SMIM14: variants seen among roughly 807,000 people sequenced by gnomAD.
SMIM14 encodes chromosome 4 open reading frame 34.
In SMIM14, 5 loss-of-function variants were observed where a neutral mutation model predicts 12.6. The ratio of observed to expected loss-of-function variants is 0.40; its 90% CI spans 0.21 to 0.83. The LOEUF is 0.83. SMIM14 is among the 40% of genes least tolerant of loss of function. SMIM14 has a pLI of 0.37. For missense variants in SMIM14, 86 were observed against 119.1 expected (o/e 0.72, Z 1.29); for synonymous variants, 30 against 40.1 (o/e 0.75, Z 0.95).
chr4:39,601,781 T>C (rs1302580057), intron 2 of SMIM14, among the ~76,000 whole-genome samples: 1 of 151,902 alleles, frequency 6.6e-6, no homozygotes, highest in Non-Finnish European at 1.5e-5. Flanking sequence ...ATCCCATCTC[T>C]ACCAAAATGT....
chr4:39,620,534 C>T (rs1715446659), intron 1 of SMIM14, among the ~76,000 whole-genome samples: 1 of 152,062 alleles, frequency 6.6e-6, no homozygotes. Flanking sequence ...AGAGGTCTTG[C>T]TATGTTGCCC....
intron 2 of SMIM14, among the ~76,000 whole-genome samples, chr4:39,579,417 AAAAAAAAAG>A (rs1713377036): frequency 6.6e-6 from 1 of 151,842 alleles, no homozygotes; most frequent in Non-Finnish European, 1.5e-5. Context: ...CTCCAAAAAA[AAAAAAAAAG>A]AAAAAAAAGA....
intron 3 of SMIM14, among the ~76,000 whole-genome samples, chr4:39,568,689 T>C (rs184886383): frequency 3.9e-5 from 6 of 152,320 alleles, no homozygotes; most frequent in Non-Finnish European, 8.8e-5. Flanking sequence ...TACTATCCAA[T>C]TGAATAGTAG....
At chr4:39,614,585 G>A (rs1209773046) in intron 1 of SMIM14, among the ~76,000 whole-genome samples, 13 of 152,086 alleles carry the variant, frequency 8.5e-5, no homozygotes, top group Admixed American at 8.5e-4. Context: ...ACCTCCCAAA[G>A]TGCTGGGATT....
At chr4:39,562,194 T>G (rs1712343565) in intron 3 of SMIM14, among the ~76,000 whole-genome samples, 1 of 151,952 alleles carries the variant, frequency 6.6e-6, no homozygotes, top group Non-Finnish European at 1.5e-5. Flanking sequence ...GGCAACATAG[T>G]GAGACCCCTG....
chr4:39,561,608 A>G (rs1712309197), intron 3 of SMIM14, among the ~76,000 whole-genome samples: 1 of 152,008 alleles, frequency 6.6e-6, no homozygotes, highest in Non-Finnish European at 1.5e-5. Flanking sequence ...TTTCTAGACA[A>G]AGGATCCCTG....
At chr4:39,591,074 TG>T (rs1487098422) in intron 2 of SMIM14, among the ~76,000 whole-genome samples, 10 of 152,136 alleles carry the variant, frequency 6.6e-5, no homozygotes, top group Admixed American at 5.9e-4. Context: ...TATATAAAAT[TG>T]TATAGTATTT....
chr4:39,599,457 T>TA (rs1465112945), intron 2 of SMIM14, among the ~76,000 whole-genome samples: 1 of 151,878 alleles, frequency 6.6e-6, no homozygotes, highest in African/African-American at 2.4e-5. Flanking sequence ...GGCTTGGGGG[T>TA]AGCAAGAGGG....
intron 1 of SMIM14, among the ~76,000 whole-genome samples, chr4:39,609,861 C>G (rs1714961012): frequency 6.6e-6 from 1 of 152,184 alleles, no homozygotes; most frequent in Non-Finnish European, 1.5e-5. Context: ...AACGGCGGGG[C>G]TCCTTGGAGA....
chr4:39,620,558 T>C (rs908989470), intron 1 of SMIM14, among the ~76,000 whole-genome samples: 1 of 152,140 alleles, frequency 6.6e-6, no homozygotes, highest in Non-Finnish European at 1.5e-5. Flanking sequence ...TTGGTCGACA[T>C]AGCAAGGCCA....
chr4:39,563,153 C>T (rs1024864671), intron 3 of SMIM14, among the ~76,000 whole-genome samples: 1 of 152,036 alleles, frequency 6.6e-6, no homozygotes, highest in Non-Finnish European at 1.5e-5. Flanking sequence ...CTCTGCCTCC[C>T]GGGTTCAAGT....
chr4:39,597,593 GCCAC>G (rs1714425066), intron 2 of SMIM14, among the ~76,000 whole-genome samples: 1 of 151,808 alleles, frequency 6.6e-6, no homozygotes, highest in African/African-American at 2.4e-5. Context: ...ACAGGCACCT[GCCAC>G]CACACCCAGC....
At chr4:39,607,169 T>C (rs1483889298) in intron 1 of SMIM14, among the ~76,000 whole-genome samples, 2 of 152,028 alleles carry the variant, frequency 1.3e-5, no homozygotes, top group African/African-American at 2.4e-5. Flanking sequence ...CATAGGCCAT[T>C]AGTGAGCTGT....
At chr4:39,556,224 T>G (rs1316406756) in intron 4 of SMIM14, among the ~76,000 whole-genome samples, 1 of 152,178 alleles carries the variant, frequency 6.6e-6, no homozygotes, top group African/African-American at 2.4e-5. Flanking sequence ...GGTCTGTGCT[T>G]CTTTCTGCAT....
At chr4:39,585,655 G>A (rs761039962) in intron 2 of SMIM14, among the ~76,000 whole-genome samples, 27 of 151,994 alleles carry the variant, frequency 1.8e-4, no homozygotes, top group Non-Finnish European at 3.2e-4. Context: ...TGCTAAAAAG[G>A]AGCCTGACTT....
At chr4:39,578,130 G>C (rs534149343) in intron 2 of SMIM14, among the ~76,000 whole-genome samples, 1 of 152,296 alleles carries the variant, frequency 6.6e-6, no homozygotes, top group African/African-American at 2.4e-5. Flanking sequence ...AGTAAAACAG[G>C]AGAATTTTAG....
chr4:39,559,773 A>C (rs1291984076), intron 3 of SMIM14, among the ~76,000 whole-genome samples: 3 of 152,144 alleles, frequency 2.0e-5, no homozygotes, highest in African/African-American at 7.2e-5. Context: ...GCCTAAGAGC[A>C]GGATGGATAG....
At chr4:39,570,881 C>T (rs1383087980) in intron 3 of SMIM14, among the ~76,000 whole-genome samples, 4 of 152,092 alleles carry the variant, frequency 2.6e-5, no homozygotes, top group Admixed American at 6.6e-5. Context: ...ATAACATATA[C>T]AATGTGATCC....
intron 2 of SMIM14, among the ~76,000 whole-genome samples, chr4:39,596,707 G>C (rs557360209): frequency 1.3e-5 from 2 of 152,242 alleles, no homozygotes; most frequent in Non-Finnish European, 2.9e-5. Flanking sequence ...CAATACACAA[G>C]CCTACAAAGT....
Sources: gnomAD v4.1 joint callset for allele counts (sites outside exome capture counted in the v4.1 genomes callset) on GRCh38, gnomAD v4.1.1 for gene constraint, MANE v1.5 for transcripts, NCBI Gene and HGNC (gene_info 2026-07-23, HGNC 2026-07-21) for gene names.